Variants in GRB14 observed in about 807,000 individuals in gnomAD.
GRB14 encodes the protein growth factor receptor-bound protein 14.
In GRB14, 38 loss-of-function variants were observed where a neutral mutation model predicts 69.1. That is an observed-to-expected ratio of 0.55 (90% CI 0.42 to 0.72). The LOEUF (loss-of-function observed/expected upper bound fraction) is 0.72. GRB14 is among the 30% of genes least tolerant of loss of function. The probability of loss-of-function intolerance (pLI) is 0.00; values close to 1 mark genes in which losing one functional copy is unlikely to be tolerated. For missense variants in GRB14, 666 were observed against 666.1 expected (o/e 1.00, Z 0.00); for synonymous variants, 247 against 241.3 (o/e 1.02, Z -0.22).
intron 2 of GRB14, among the ~76,000 whole-genome samples, chr2:164,580,050 A>ATATC (rs1689357508): frequency 6.6e-6 from 1 of 151,912 alleles, no homozygotes; most frequent in Admixed American, 6.6e-5. Flanking sequence ...AATTCTTACT[A>ATATC]TATCTTTACT....
At chr2:164,596,551 A>G (rs1237905527) in intron 2 of GRB14, among the ~76,000 whole-genome samples, 7 of 152,228 alleles carry the variant, frequency 4.6e-5, no homozygotes, top group Non-Finnish European at 7.3e-5. Context: ...TAAAATTACT[A>G]TGTAGGATTC....
chr2:164,581,600 C>T (rs917094890), intron 2 of GRB14, among the ~76,000 whole-genome samples: 15 of 152,122 alleles, frequency 9.9e-5, no homozygotes, highest in South Asian at 6.2e-4. Context: ...AATGAAGCCC[C>T]GCTGAGATCT....
At chr2:164,537,579 T>C (rs1256336844) in intron 3 of GRB14, among the ~76,000 whole-genome samples, 1 of 152,116 alleles carries the variant, frequency 6.6e-6, no homozygotes, top group Admixed American at 6.5e-5. Flanking sequence ...TGCATTCAGA[T>C]GGATAATGTT....
chr2:164,614,566 ACTACG>A (rs1229671357), intron 2 of GRB14, among the ~76,000 whole-genome samples: 1 of 152,206 alleles, frequency 6.6e-6, no homozygotes, highest in Non-Finnish European at 1.5e-5. Context: ...TGAATACAAA[ACTACG>A]TAGAGATGCA....
intron 2 of GRB14, among the ~76,000 whole-genome samples, chr2:164,616,244 A>G (rs4456722): frequency 1 from 151,878 of 151,878 alleles, 75,939 homozygotes; most frequent in Non-Finnish European, 1. Flanking sequence ...CTAACACGGT[A>G]AAACCCTGTC....
chr2:164,605,263 C>A (rs1474771795), intron 2 of GRB14, among the ~76,000 whole-genome samples: 1 of 151,944 alleles, frequency 6.6e-6, no homozygotes, highest in Non-Finnish European at 1.5e-5. Context: ...TAAAGAGGAG[C>A]CAAAGAAGAG....
chr2:164,614,224 T>C (rs1690233030), intron 2 of GRB14, among the ~76,000 whole-genome samples: 1 of 152,242 alleles, frequency 6.6e-6, no homozygotes. Flanking sequence ...GAAAGATAGA[T>C]TTGTTTGAAA....
intron 2 of GRB14, among the ~76,000 whole-genome samples, chr2:164,592,887 T>C (rs1689700742): frequency 6.6e-6 from 1 of 152,210 alleles, no homozygotes; most frequent in Non-Finnish European, 1.5e-5. Context: ...CAACTCTGCC[T>C]CCATGCCCTT....
chr2:164,574,017 T>C (rs1689183550), intron 2 of GRB14: 2 of 1,441,548 alleles, frequency 1.4e-6, no homozygotes, highest in Non-Finnish European at 2.0e-6. Flanking sequence ...AAGAAAATTC[T>C]TAACATAGAT....
chr2:164,497,428 T>A lies in GRB14; in HGVS notation c.1167A>T (p.Ile389=), dbSNP rs772455454. 6.2e-7 allele frequency: 1 copy of A among 1,613,918 alleles called. No homozygotes were observed. Among genetic ancestry groups the A allele is most frequent in the East Asian group, 2.2e-5 (1 of 44,868 alleles). Residue 389 remains isoleucine (I), a synonymous_variant, in exon 10 of 14, where the codon ATA becomes ATT. Transcript: ENST00000263915. ...CTGAAAGGGCTTCAGTGGGATTTTC[T>A]ATAACTCTGCTTTTCTGGCCTGAGA... is the stretch of plus-strand genomic sequence containing the variant. ...MDFSGQKSRV[I]ENPTEALSVA...
At chr2:164,495,467 G>A (rs865807341) in intron 12 of GRB14, among the ~76,000 whole-genome samples, 2 of 152,158 alleles carry the variant, frequency 1.3e-5, no homozygotes, top group African/African-American at 2.4e-5. Context: ...CCTCTATAAT[G>A]TCAGGCTAGA....
intron 9 of GRB14, 146 bp from the exon 10 acceptor site, chr2:164,497,636 G>T: frequency 3.3e-6 from 2 of 601,408 alleles, no homozygotes; most frequent in Non-Finnish European, 5.9e-6. Flanking sequence ...TGCCTGAAGG[G>T]GCTAGCAGAA....
intron 4 of GRB14, among the ~76,000 whole-genome samples, chr2:164,525,914 C>T: frequency 6.6e-6 from 1 of 152,152 alleles, no homozygotes; most frequent in Non-Finnish European, 1.5e-5. Flanking sequence ...TGTGTCCAGA[C>T]ATTGTCCAAT....
At chr2:164,571,340 A>G (rs1273743280) in intron 2 of GRB14, among the ~76,000 whole-genome samples, 1 of 152,236 alleles carries the variant, frequency 6.6e-6, no homozygotes, top group Non-Finnish European at 1.5e-5. Flanking sequence ...AAGTTTGCAG[A>G]AGGCCTGGAA....
At chr2:164,579,157 C>A (rs1416561085) in intron 2 of GRB14, among the ~76,000 whole-genome samples, 1 of 152,030 alleles carries the variant, frequency 6.6e-6, no homozygotes, top group East Asian at 1.9e-4. Flanking sequence ...TTCTTAGAAA[C>A]CGTGACTTTA....
At position 164,524,517 on chromosome 2, in the gene GRB14, T is replaced by C. The variant is rs148078986; in HGVS notation, c.678+487A>G. ...TATTTCACAATTCTATGCAAGGATTTCCATAACAGCTATTACAAACGCTAG... is the reference window on the plus strand; with the variant it reads ...TATTTCACAATTCTATGCAAGGATTCCCATAACAGCTATTACAAACGCTAG... On this transcript the variant is annotated intron_variant, in intron 5 of 13. Transcript: ENST00000263915. Among the ~76,000 whole-genome samples the C allele has an allele frequency of 2.8e-4, 42 of 152,230 alleles. 1 individual carries two copies. The East Asian group carries it at 6.0e-3, about 22-fold the overall frequency.
Position 164,601,467 on chromosome 2 carries a change from G to A in GRB14, c.324+18220C>T, listed in dbSNP as rs1001584265. 3.3e-5 allele frequency among the ~76,000 whole-genome samples: 5 copies of A among 152,176 alleles called. No individual in the cohort carries two copies. The East Asian group carries it at 9.6e-4, about 29-fold the overall frequency. ...ACTGAAAGCACAGAGAAGGTATTTT[G>A]AACGTAGTTTCTAAATAGAATTCTA... On this transcript the variant is annotated intron_variant, in intron 2 of 13. Coordinates refer to ENST00000263915, the MANE Select transcript of GRB14 (RefSeq NM_004490.3).
chr2:164,540,068 G>A (rs764960017), intron 3 of GRB14, among the ~76,000 whole-genome samples: 2 of 152,058 alleles, frequency 1.3e-5, no homozygotes, highest in Non-Finnish European at 2.9e-5. Flanking sequence ...GACCCTACAC[G>A]ATCTGGTCCT....
chr2:164,496,541 A>C (rs1686900449), intron 12 of GRB14, among the ~76,000 whole-genome samples: 1 of 152,172 alleles, frequency 6.6e-6, no homozygotes, highest in Admixed American at 6.5e-5. Flanking sequence ...TAAACACACA[A>C]AAAAATAAGT....
Sources: gnomAD v4.1 joint callset for allele counts (sites outside exome capture counted in the v4.1 genomes callset) on GRCh38, gnomAD v4.1.1 for gene constraint, MANE v1.5 for transcripts, NCBI Gene and HGNC (gene_info 2026-07-23, HGNC 2026-07-21) for gene names.